GRK4: variants seen among roughly 807,000 people sequenced by gnomAD.
GRK4 encodes the protein G protein-coupled receptor kinase 4.
A neutral mutation model predicts 77.9 loss-of-function variants in GRK4; 73 were observed. The observed-to-expected ratio is 0.94, with a 90% CI of 0.78 to 1.14. The LOEUF (loss-of-function observed/expected upper bound fraction) is 1.14. Among genes scored for constraint, GRK4 ranks in the 50% most tolerant of loss-of-function variants. GRK4 has a pLI of 0.00. For synonymous variants in GRK4, 257 were observed against 254.4 expected (o/e 1.01, Z -0.10); for missense variants, 729 against 700.2 (o/e 1.04, Z -0.46).
chr4:2,963,993 G>C lies in GRK4; in HGVS notation c.-78G>C. 1 of 1,300,244 alleles carries C rather than the reference G, an allele frequency of 7.7e-7. No homozygotes were observed. Among genetic ancestry groups the C allele is most frequent in the Non-Finnish European group, 1.1e-6 (1 of 912,948 alleles). The allele number at this position is 1,300,244 out of a possible 1,614,324, so 80.5% of individuals were successfully genotyped here. On this transcript the variant is annotated 5_prime_UTR_variant, in exon 1 of 16. Coordinates refer to ENST00000398052, the MANE Select transcript of GRK4 (RefSeq NM_182982.3). ...GGTGCCCGGCGAGCTATGCACGGGG[G>C]CGGCGGCGTCTCCTCCTGTTCCGCC... is the stretch of plus-strand genomic sequence containing the variant.
At chr4:3,014,146 C>T (rs1733740882) in intron 8 of GRK4, among the ~76,000 whole-genome samples, 1 of 152,096 alleles carries the variant, frequency 6.6e-6, no homozygotes, top group African/African-American at 2.4e-5. Flanking sequence ...CCATTAGTTA[C>T]CCGTGTTTCT....
At chr4:3,035,875 C>A (rs1046958062) in intron 13 of GRK4, among the ~76,000 whole-genome samples, 1 of 152,154 alleles carries the variant, frequency 6.6e-6, no homozygotes, top group Non-Finnish European at 1.5e-5. Context: ...ACTCACTGGG[C>A]CCCTCACAGA....
chr4:3,002,419 C>A (rs1056853587), intron 4 of GRK4, among the ~76,000 whole-genome samples: 1 of 151,998 alleles, frequency 6.6e-6, no homozygotes, highest in Non-Finnish European at 1.5e-5. Context: ...GCCTGGGCAA[C>A]GTGGTGAAAC....
intron 3 of GRK4, among the ~76,000 whole-genome samples, chr4:2,990,979 T>C (rs1208256016): frequency 6.6e-6 from 1 of 152,230 alleles, no homozygotes; most frequent in East Asian, 1.9e-4. Flanking sequence ...TTCCCCCTCA[T>C]GGCACATGGC....
rs529186975 is a variant in GRK4, at chr4:2,992,461, C to G, written c.339+169C>G. On this transcript the variant is annotated intron_variant, in intron 4 of 15. Transcript: ENST00000398052. ...TCGGGAGGCTGAGGAAGGAGGATCTCTTTAGCCCAGGAGTTCGAGATCAGC... is the reference window on the plus strand; with the variant it reads ...TCGGGAGGCTGAGGAAGGAGGATCTGTTTAGCCCAGGAGTTCGAGATCAGC... Among the ~76,000 whole-genome samples the G allele has an allele frequency of 5.3e-5, 8 of 152,214 alleles. No individual in the cohort carries two copies. The East Asian group carries it at 1.4e-3, about 26-fold the overall frequency.
intron 4 of GRK4, among the ~76,000 whole-genome samples, chr4:3,000,856 C>T (rs182796713): frequency 3.3e-5 from 5 of 152,142 alleles, no homozygotes; most frequent in East Asian, 1.9e-4. Flanking sequence ...GCGTGAGCCA[C>T]GGCGCCTGGC....
At chr4:2,972,661 C>T (rs1016635895) in intron 1 of GRK4, among the ~76,000 whole-genome samples, 3 of 151,966 alleles carry the variant, frequency 2.0e-5, no homozygotes. Flanking sequence ...TCATATGTGG[C>T]GGGGGCGGAG....
intron 15 of GRK4, among the ~76,000 whole-genome samples, chr4:3,039,105 A>G (rs1741680316): frequency 6.6e-6 from 1 of 152,134 alleles, no homozygotes; most frequent in Non-Finnish European, 1.5e-5. Flanking sequence ...AGTCCCAGCT[A>G]CTTGGGAGGC....
chr4:3,028,978 T>A (rs1738386046), intron 11 of GRK4, among the ~76,000 whole-genome samples: 1 of 152,042 alleles, frequency 6.6e-6, no homozygotes, highest in Admixed American at 6.6e-5. Flanking sequence ...CACCATGTTG[T>A]CCAGGCTGGT....
At chr4:3,013,926 A>C in intron 8 of GRK4, 98 bp downstream of exon 8, 2 of 1,320,356 alleles carry the variant, frequency 1.5e-6, no homozygotes, top group Non-Finnish European at 2.0e-6. Flanking sequence ...AAGCCGTGGA[A>C]GTCATTTCTT....
intron 2 of GRK4, among the ~76,000 whole-genome samples, chr4:2,984,839 G>A (rs1301022105): frequency 6.6e-6 from 1 of 151,836 alleles, no homozygotes; most frequent in Admixed American, 6.6e-5. Context: ...TAGAGGTGGG[G>A]TCTCACCATG....
Position 3,013,822 on chromosome 4 carries a change from A to G in GRK4, c.735A>G (p.Arg245=). 6.2e-7 allele frequency: 1 copy of G among 1,608,000 alleles called. No homozygotes were observed. Among genetic ancestry groups the G allele is most frequent in the East Asian group, 2.2e-5 (1 of 44,854 alleles). Residue 245 remains arginine, a synonymous_variant, in exon 8 of 16, where the codon AGA becomes AGG. Coordinates refer to ENST00000398052, the MANE Select transcript of GRK4 (RefSeq NM_182982.3). ...EKRILEKVQS[R]FVVSLAYAYE... The stretch of plus-strand genomic sequence containing the variant: ...GAATTCTGGAGAAAGTGCAAAGTAG[A>G]TTCGTAGTAAGTGTCTCCTCTTAGT...
chr4:3,030,805 G>A (rs1243895272), intron 12 of GRK4, among the ~76,000 whole-genome samples: 2 of 152,238 alleles, frequency 1.3e-5, no homozygotes, highest in South Asian at 2.1e-4. Context: ...ACTTGTTATT[G>A]TCATCATTGT....
intron 8 of GRK4, among the ~76,000 whole-genome samples, chr4:3,019,183 G>A (rs991603222): frequency 2.0e-5 from 3 of 152,186 alleles, no homozygotes; most frequent in Admixed American, 6.5e-5. Context: ...AATTAAGACC[G>A]CAGTAAGAGA....
intron 4 of GRK4, among the ~76,000 whole-genome samples, chr4:2,997,493 T>C (rs1289907162): frequency 3.3e-5 from 5 of 152,056 alleles, no homozygotes; most frequent in African/African-American, 1.2e-4. Context: ...AACATGAGCT[T>C]TGAGGGGAAG....
In GRK4 at chr4:3,039,055, A is replaced by T. The variant is rs1245681556; in HGVS notation, c.1683+542A>T. Among the ~76,000 whole-genome samples the T allele has an allele frequency of 2.0e-5, 3 of 151,986 alleles. No homozygotes were observed. The East Asian group carries it at 5.8e-4, about 29-fold the overall frequency. ...ACATGGCAAAACCCCAATTCTACTA[A>T]AAATACAAAACTTAGCCGGGTGTGG... On this transcript the variant is annotated intron_variant, in intron 15 of 15. Transcript: ENST00000398052.
intron 10 of GRK4, among the ~76,000 whole-genome samples, chr4:3,023,908 A>C (rs1005100697): frequency 6.6e-6 from 1 of 152,244 alleles, no homozygotes; most frequent in Non-Finnish European, 1.5e-5. Context: ...GTGCTTGCTC[A>C]TAAACATAAA....
At chr4:2,970,415 T>C (rs1719129769) in intron 1 of GRK4, among the ~76,000 whole-genome samples, 1 of 152,080 alleles carries the variant, frequency 6.6e-6, no homozygotes, top group Non-Finnish European at 1.5e-5. Flanking sequence ...ATCCCAGCAC[T>C]TTGGGAGGCC....
intron 1 of GRK4, among the ~76,000 whole-genome samples, chr4:2,977,120 G>T (rs907932703): frequency 6.6e-6 from 1 of 152,134 alleles, no homozygotes; most frequent in East Asian, 1.9e-4. Context: ...CCAGGAACAG[G>T]CGGCCTTTCA....
Sources: allele counts gnomAD v4.1 joint callset (sites outside exome capture counted in the v4.1 genomes callset), GRCh38; gene constraint gnomAD v4.1.1; transcripts MANE v1.5; gene names NCBI Gene and HGNC (gene_info 2026-07-23, HGNC 2026-07-21).